ZNF30: variants seen among roughly 807,000 people sequenced by gnomAD.
ZNF30 encodes the protein zinc finger protein 30.
In ZNF30, 15 loss-of-function variants were observed where a neutral mutation model predicts 13.2. That is an observed-to-expected ratio of 1.13 (90% CI 0.76 to 1.75). The LOEUF is 1.75. ZNF30 is among the 40% of genes most tolerant of loss of function. ZNF30 has a pLI of 0.00. For synonymous variants in ZNF30, 223 were observed against 256.6 expected (o/e 0.87, Z 1.25); for missense variants, 726 against 757.0 (o/e 0.96, Z 0.48).
intron 4 of ZNF30, 63 bp from the exon 5 acceptor site, chr19:34,943,153 TTTTTCTC>T: frequency 1.3e-5 from 16 of 1,228,552 alleles, no homozygotes; most frequent in Non-Finnish European, 1.6e-5. Flanking sequence ...TTATTTTCAG[TTTTTCTC>T]TTTTCTTCCC....
chr19:34,928,208 TAA>T (rs386388919), intron 1 of ZNF30, among the ~76,000 whole-genome samples: 798 of 70,638 alleles, frequency 0.011, 17 homozygotes, highest in South Asian at 0.022. Flanking sequence ...ATCCCTTCTC[TAA>T]AAAAAAAAAA....
chr19:34,932,713 G>A (rs2012517047), intron 3 of ZNF30, among the ~76,000 whole-genome samples: 1 of 151,928 alleles, frequency 6.6e-6, no homozygotes, highest in Non-Finnish European at 1.5e-5. Flanking sequence ...ATAGGTGACG[G>A]TAGCAGAAAC....
At chr19:34,928,208 TAAAAA>T (rs386388919) in intron 1 of ZNF30, among the ~76,000 whole-genome samples, 1,786 of 70,678 alleles carry the variant, frequency 0.025, 94 homozygotes, top group African/African-American at 0.09. Flanking sequence ...ATCCCTTCTC[TAAAAA>T]AAAAAAAATA....
intron 4 of ZNF30, among the ~76,000 whole-genome samples, chr19:34,935,495 C>T (rs1413401228): frequency 6.6e-6 from 1 of 152,104 alleles, no homozygotes; most frequent in Non-Finnish European, 1.5e-5. Context: ...CTGCTCTTCT[C>T]AAGTCAGCCT....
rs2151667370 is a variant in ZNF30 at position 34,933,842 on chromosome 19, G to A, written c.256+119G>A. Reference sequence around the variant, plus strand: ...CCCTTCAAAGCCCTAGGGCCTGGGTGGAAAAAGGCTGAGACTTGGGTAAGA... The same window carrying A: ...CCCTTCAAAGCCCTAGGGCCTGGGTAGAAAAAGGCTGAGACTTGGGTAAGA... On this transcript the variant is annotated intron_variant, in intron 4 of 4. Transcript: ENST00000601142. 8.0e-6 allele frequency: 5 copies of A among 627,080 alleles called. No homozygotes were observed. In the South Asian group the frequency reaches 1.0e-4, roughly 13 times the overall value. 38.8% of individuals were successfully genotyped at this position (627,080 alleles called of 1,614,324 possible). A position where few individuals can be genotyped will look rare whatever the true frequency, so the allele number is the denominator to read the frequency against.
At chr19:34,937,346 T>A (rs915607882) in intron 4 of ZNF30, among the ~76,000 whole-genome samples, 2 of 152,124 alleles carry the variant, frequency 1.3e-5, no homozygotes, top group Non-Finnish European at 2.9e-5. Context: ...AGAGGTCTTC[T>A]AGAGGAGGCT....
chr19:34,940,243 T>A (rs2012968238), intron 4 of ZNF30, among the ~76,000 whole-genome samples: 1 of 152,246 alleles, frequency 6.6e-6, no homozygotes, highest in South Asian at 2.1e-4. Flanking sequence ...CAGTGTCCCC[T>A]GTCTCCTTTT....
chr19:34,939,203 A>T (rs1254076625), intron 4 of ZNF30, among the ~76,000 whole-genome samples: 3 of 134,660 alleles, frequency 2.2e-5, no homozygotes, highest in African/African-American at 8.6e-5. Flanking sequence ...TTTCTTTCAG[A>T]TGGAGTCTTG....
At position 34,944,875 on chromosome 19, in the gene ZNF30, T is replaced by G; in HGVS notation, c.*37T>G. ...GTGTGGGAAGTGCTTCGTGTGTGGC[T>G]CAAACATTGTTGAACATCGGGGAAT... On this transcript the variant is annotated 3_prime_UTR_variant, in exon 5 of 5. Coordinates refer to ENST00000601142, the MANE Select transcript of ZNF30 (RefSeq NM_194325.3). 6.6e-7 allele frequency: 1 copy of G among 1,508,870 alleles called. No individual in the cohort carries two copies. The highest frequency in any genetic ancestry group is 8.9e-7 in the Non-Finnish European group (1 of 1,127,100). The allele number at this position is 1,508,870 out of a possible 1,614,324, so 93.5% of individuals were successfully genotyped here. A position where few individuals can be genotyped will look rare whatever the true frequency, so the allele number is the denominator to read the frequency against.
At chr19:34,928,486 T>A (rs903386368) in intron 1 of ZNF30, among the ~76,000 whole-genome samples, 2 of 151,996 alleles carry the variant, frequency 1.3e-5, no homozygotes, top group Non-Finnish European at 2.9e-5. Context: ...ACATAACTTT[T>A]ATTACAGTAT....
Position 34,944,420 on chromosome 19 carries a change from AATGT to A in ZNF30, c.1456_1459del (p.Cys486ArgfsTer129). 1 of 1,614,040 alleles carries A rather than the reference AATGT, an allele frequency of 6.2e-7. No individual in the cohort carries two copies. Among genetic ancestry groups the A allele is most frequent in the Non-Finnish European group, 8.5e-7 (1 of 1,179,992 alleles). Reference sequence around the variant, plus strand: ...ATTCATACTGATGTAAAGCCCTATGAATGTAAGGAATGTGGAAAGACTTTTAGTC... The same window carrying A: ...ATTCATACTGATGTAAAGCCCTATGAAAGGAATGTGGAAAGACTTTTAGTC... On this transcript the variant is annotated frameshift_variant, in exon 5 of 5. Transcript: ENST00000601142. LOFTEE classifies it low-confidence loss of function (END_TRUNC).
At chr19:34,926,840 C>G (rs1030791614), upstream of ZNF30, 1 of 396,820 alleles carries the variant, frequency 2.5e-6, no homozygotes, top group Non-Finnish European at 4.4e-6. Context: ...ACTCGAGCGC[C>G]TGCGCCTGCG....
At chr19:34,935,715 T>TC (rs1568539676) in intron 4 of ZNF30, among the ~76,000 whole-genome samples, 1 of 150,498 alleles carries the variant, frequency 6.6e-6, no homozygotes, top group African/African-American at 2.4e-5. Flanking sequence ...TTTTTTTTTT[T>TC]TTTTTTTTTT....
Position 34,944,042 on chromosome 19 carries a change from T to C in ZNF30, c.1076T>C (p.Leu359Pro), listed in dbSNP as rs773890892. 1 of 1,614,128 alleles carries C rather than the reference T, an allele frequency of 6.2e-7. No individual in the cohort carries two copies. Among genetic ancestry groups the C allele is most frequent in the South Asian group, 1.1e-5 (1 of 91,074 alleles). ...AAGGCCTTTAGACTTAGTTCCTTCC[T>C]TCATGCACATCAGCGAATTCATGCA... ...CGKAFRLSSFLHAHQRIHAEI... is the reference protein window; with the variant it reads ...CGKAFRLSSFPHAHQRIHAEI... Residue 359 changes from leucine to proline, a missense_variant, in exon 5 of 5, where the codon CTT (leucine) becomes CCT (proline). Leu to Pro is a moderately conservative substitution (Grantham distance 98, BLOSUM62 -3). Transcript: ENST00000601142.
At chr19:34,935,229 TAA>T (rs66464153) in intron 4 of ZNF30, among the ~76,000 whole-genome samples, 9 of 148,162 alleles carry the variant, frequency 6.1e-5, no homozygotes, top group South Asian at 2.1e-4. Context: ...AGACTCCGTC[TAA>T]AAAAAAAAAA....
intron 4 of ZNF30, among the ~76,000 whole-genome samples, chr19:34,937,434 C>G (rs2012800994): frequency 1.3e-5 from 2 of 151,964 alleles, no homozygotes; most frequent in African/African-American, 2.4e-5. Context: ...GAAAGTGTTT[C>G]AAGATAGAAG....
intron 4 of ZNF30, among the ~76,000 whole-genome samples, chr19:34,937,073 G>A (rs1016811353): frequency 6.6e-6 from 1 of 151,890 alleles, no homozygotes; most frequent in Admixed American, 6.5e-5. Flanking sequence ...GTGCAGTGGT[G>A]CGATCTCAGC....
intron 2 of ZNF30, among the ~76,000 whole-genome samples, chr19:34,931,097 G>A (rs922523596): frequency 6.7e-6 from 1 of 148,174 alleles, no homozygotes; most frequent in Non-Finnish European, 1.5e-5. Flanking sequence ...GAGTACAGTG[G>A]CACAATTTTG....
At chr19:34,932,357 G>A (rs1258944994) in intron 3 of ZNF30, among the ~76,000 whole-genome samples, 3 of 152,044 alleles carry the variant, frequency 2.0e-5, no homozygotes, top group Admixed American at 2.0e-4. Context: ...ATTTAAAACT[G>A]AAGTTACCTC....
Sources: gnomAD v4.1 joint callset for allele counts (sites outside exome capture counted in the v4.1 genomes callset) on GRCh38, gnomAD v4.1.1 for gene constraint, MANE v1.5 for transcripts, NCBI Gene and HGNC (gene_info 2026-07-23, HGNC 2026-07-21) for gene names.